The following SLC9A9 variants were observed in gnomAD, a reference collection of about 807,000 sequenced individuals.
The protein encoded by SLC9A9 is sodium/hydrogen exchanger 9.
Under a neutral mutation model 77.8 loss-of-function variants are expected in SLC9A9, and 62 were observed. The observed-to-expected ratio is 0.80, with a 90% CI of 0.65 to 0.98. The LOEUF (loss-of-function observed/expected upper bound fraction) is 0.98, where lower values mean the gene tolerates loss of function less well. SLC9A9 is among the 50% of genes least tolerant of loss of function. The probability of loss-of-function intolerance (pLI) is 0.00; values close to 1 mark genes in which losing one functional copy is unlikely to be tolerated. For synonymous variants in SLC9A9, 320 were observed against 283.5 expected (o/e 1.13, Z -1.29); for missense variants, 775 against 774.9 (o/e 1.00, Z 0.00).
rs529563999 is a variant in SLC9A9 at position 143,744,953 on chromosome 3, C to A, written c.533+50048G>T. 4.6e-5 allele frequency among the ~76,000 whole-genome samples: 7 copies of A among 152,294 alleles called. No individual in the cohort carries two copies. In the East Asian group the frequency reaches 9.6e-4, roughly 21 times the overall value. On this transcript the variant is annotated intron_variant, in intron 4 of 15. Coordinates refer to ENST00000316549, the MANE Select transcript of SLC9A9 (RefSeq NM_173653.4). ...AGACAGCCCAGAATGCAGAGGTAGG[C>A]ATTCATTTTTAAATCAGTCCAAGTC...
chr3:143,287,756 A>C (rs1025162495), intron 14 of SLC9A9, among the ~76,000 whole-genome samples: 1 of 152,186 alleles, frequency 6.6e-6, no homozygotes, highest in Non-Finnish European at 1.5e-5. Flanking sequence ...ACACCTACAG[A>C]CCTTCTCACT....
At chr3:143,637,626 C>T (rs147929919) in intron 6 of SLC9A9, among the ~76,000 whole-genome samples, 3 of 152,214 alleles carry the variant, frequency 2.0e-5, no homozygotes, top group Non-Finnish European at 2.9e-5. Flanking sequence ...TAAAGTTGAT[C>T]TTATTTGCTT....
intron 12 of SLC9A9, among the ~76,000 whole-genome samples, chr3:143,386,392 G>A (rs561578531): frequency 6.6e-6 from 1 of 152,308 alleles, no homozygotes; most frequent in Non-Finnish European, 1.5e-5. Context: ...CAAGAGAGTT[G>A]TTTGGAGCCA....
chr3:143,687,621 T>C (rs1933313121), intron 5 of SLC9A9, among the ~76,000 whole-genome samples: 1 of 152,154 alleles, frequency 6.6e-6, no homozygotes, highest in Non-Finnish European at 1.5e-5. Context: ...AAATAAAAGA[T>C]TGTTTTAAAA....
intron 4 of SLC9A9, among the ~76,000 whole-genome samples, chr3:143,773,909 T>A (rs553345439): frequency 6.6e-6 from 1 of 152,226 alleles, no homozygotes; most frequent in African/African-American, 2.4e-5. Context: ...GTCTCTAGCA[T>A]GGTGATTGCC....
rs1559844358 is a variant in SLC9A9, at chr3:143,265,928, A to T, written c.*774T>A. 1.6e-6 allele frequency: 1 copy of T among 634,206 alleles called. No individual in the cohort carries two copies. The highest frequency in any genetic ancestry group is 2.8e-6 in the Non-Finnish European group (1 of 351,174). The allele number at this position is 634,206 out of a possible 1,614,324, so 39.3% of individuals were successfully genotyped here. ...GCTGCACAGCCAAGAAGTGACTCAC[A>T]TGCAGGCAAGGACGGGAAGGCTTGT... is the stretch of plus-strand genomic sequence containing the variant. On this transcript the variant is annotated 3_prime_UTR_variant, in exon 16 of 16. Transcript: ENST00000316549.
At chr3:143,308,149 G>A (rs2108434656) in intron 14 of SLC9A9, among the ~76,000 whole-genome samples, 1 of 152,300 alleles carries the variant, frequency 6.6e-6, no homozygotes, top group Non-Finnish European at 1.5e-5. Flanking sequence ...CCATTTTGGT[G>A]AGTGGCTGGG....
chr3:143,367,512 G>A (rs965901496), intron 13 of SLC9A9, among the ~76,000 whole-genome samples: 1 of 152,146 alleles, frequency 6.6e-6, no homozygotes, highest in Non-Finnish European at 1.5e-5. Flanking sequence ...GTTATGAAAG[G>A]CCATCAATAA....
At chr3:143,781,361 A>G (rs2007877459) in intron 4 of SLC9A9, among the ~76,000 whole-genome samples, 1 of 152,218 alleles carries the variant, frequency 6.6e-6, no homozygotes, top group Non-Finnish European at 1.5e-5. Context: ...AAATCTTTAA[A>G]TGAGGAGTTA....
chr3:143,323,870 G>A (rs1406715885), intron 14 of SLC9A9, among the ~76,000 whole-genome samples: 2 of 152,072 alleles, frequency 1.3e-5, no homozygotes, highest in South Asian at 2.1e-4. Flanking sequence ...TGCACCCTGA[G>A]GATACTGATA....
intron 4 of SLC9A9, among the ~76,000 whole-genome samples, chr3:143,778,618 T>A (rs182852520): frequency 2.5e-3 from 356 of 142,782 alleles, no homozygotes; most frequent in African/African-American, 9.7e-3. Context: ...TGTAAAAAAA[T>A]ATCTTTATAA....
intron 5 of SLC9A9, among the ~76,000 whole-genome samples, chr3:143,659,534 T>A (rs1050208189): frequency 2.6e-5 from 4 of 152,186 alleles, no homozygotes; most frequent in African/African-American, 7.2e-5. Context: ...AAGATGAACA[T>A]TCCTGCTCCT....
At chr3:143,378,978 A>C (rs998525158) in intron 13 of SLC9A9, among the ~76,000 whole-genome samples, 19 of 152,144 alleles carry the variant, frequency 1.2e-4, no homozygotes, top group South Asian at 8.3e-4. Context: ...AAGTTATTTT[A>C]CTTTCCACAG....
chr3:143,507,551 G>A (rs953321387), intron 9 of SLC9A9, among the ~76,000 whole-genome samples: 2 of 152,114 alleles, frequency 1.3e-5, no homozygotes, highest in African/African-American at 4.8e-5. Flanking sequence ...TTGTGCATTT[G>A]TTACAATTAA....
chr3:143,804,002 C>T (rs1032122127), intron 2 of SLC9A9, among the ~76,000 whole-genome samples: 18 of 152,144 alleles, frequency 1.2e-4, no homozygotes, highest in African/African-American at 2.9e-4. Flanking sequence ...ATTAACTCTA[C>T]TCCCCCCTTA....
chr3:143,292,278 G>A (rs2030031271), intron 14 of SLC9A9, among the ~76,000 whole-genome samples: 1 of 152,178 alleles, frequency 6.6e-6, no homozygotes, highest in African/African-American at 2.4e-5. Flanking sequence ...AGCAATTCCA[G>A]CTCCAGTCAG....
At chr3:143,721,228 C>T (rs568259930) in intron 4 of SLC9A9, among the ~76,000 whole-genome samples, 1 of 152,244 alleles carries the variant, frequency 6.6e-6, no homozygotes, top group South Asian at 2.1e-4. Flanking sequence ...CAGGTATAAT[C>T]TTTGTACCCT....
intron 5 of SLC9A9, among the ~76,000 whole-genome samples, chr3:143,682,859 A>T (rs1933145955): frequency 6.6e-6 from 1 of 152,158 alleles, no homozygotes; most frequent in Non-Finnish European, 1.5e-5. Flanking sequence ...AAGTTCTGCA[A>T]CTTTCAGAGA....
chr3:143,387,049 C>A (rs2033444175), intron 12 of SLC9A9, among the ~76,000 whole-genome samples: 1 of 152,152 alleles, frequency 6.6e-6, no homozygotes, highest in African/African-American at 2.4e-5. Context: ...TCATATTGCC[C>A]AGGCTGTTTT....
Sources: gnomAD v4.1 joint callset for allele counts (sites outside exome capture counted in the v4.1 genomes callset) on GRCh38, gnomAD v4.1.1 for gene constraint, MANE v1.5 for transcripts, NCBI Gene and HGNC (gene_info 2026-07-23, HGNC 2026-07-21) for gene names.